ZBTB38: variants seen among roughly 807,000 people sequenced by gnomAD.
ZBTB38 encodes zinc finger and BTB domain containing 38.
Under a neutral mutation model 76.8 loss-of-function variants are expected in ZBTB38, and 20 were observed. The ratio of observed to expected loss-of-function variants is 0.26; its 90% confidence interval spans 0.18 to 0.38. The LOEUF (loss-of-function observed/expected upper bound fraction) is 0.38, where lower values mean the gene tolerates loss of function less well. ZBTB38 is among the 10% of genes least tolerant of loss of function. The pLI, the probability that ZBTB38 is intolerant of heterozygous loss-of-function variation, is 1.00. For synonymous variants in ZBTB38, 504 were observed against 544.2 expected (o/e 0.93, Z 1.03); for missense variants, 1,082 against 1,482.3 (o/e 0.73, Z 4.43).
At chr3:141,373,740 T>A (rs1944956743) in intron 2 of ZBTB38, among the ~76,000 whole-genome samples, 3 of 152,218 alleles carry the variant, frequency 2.0e-5, no homozygotes, top group Admixed American at 6.5e-5. Context: ...TCCAAAATAG[T>A]ATTGTTAGAA....
chr3:141,384,301 T>C (rs1394045167), intron 3 of ZBTB38, among the ~76,000 whole-genome samples: 2 of 152,346 alleles, frequency 1.3e-5, no homozygotes, highest in East Asian at 3.9e-4. Context: ...GTAAAGGGAA[T>C]AGAACACTAT....
chr3:141,429,110 T>A (rs1436918535), intron 5 of ZBTB38, among the ~76,000 whole-genome samples: 1 of 152,218 alleles, frequency 6.6e-6, no homozygotes, highest in Admixed American at 6.5e-5. Flanking sequence ...CTTACATTTT[T>A]GCAAGCAGAC....
At chr3:141,435,961 G>A (rs2078687428) in intron 5 of ZBTB38, among the ~76,000 whole-genome samples, 1 of 152,038 alleles carries the variant, frequency 6.6e-6, no homozygotes, top group African/African-American at 2.4e-5. Context: ...TTCCATCTCA[G>A]TGAATTTATT....
chr3:141,395,450 C>T (rs1355953920), intron 4 of ZBTB38, among the ~76,000 whole-genome samples: 1 of 152,118 alleles, frequency 6.6e-6, no homozygotes, highest in Non-Finnish European at 1.5e-5. Flanking sequence ...GGGCTTAGTG[C>T]AGGAGCCAGT....
chr3:141,377,784 C>T (rs1056445333), intron 2 of ZBTB38, among the ~76,000 whole-genome samples: 2 of 152,186 alleles, frequency 1.3e-5, no homozygotes, highest in South Asian at 2.1e-4. Context: ...AAGGCATGTG[C>T]TCTTTACATA....
intron 4 of ZBTB38, chr3:141,396,617 C>A: frequency 5.4e-6 from 1 of 183,900 alleles, no homozygotes; most frequent in Non-Finnish European, 1.1e-5. Flanking sequence ...TCCATCAGAG[C>A]AATCACTGTC....
At chr3:141,325,409 A>G (rs944235672) in intron 1 of ZBTB38, among the ~76,000 whole-genome samples, 2 of 152,180 alleles carry the variant, frequency 1.3e-5, no homozygotes, top group African/African-American at 4.8e-5. Context: ...AATGACATAC[A>G]CTGTTCATTG....
At chr3:141,425,314 C>T (rs568588028) in intron 5 of ZBTB38, among the ~76,000 whole-genome samples, 10 of 152,236 alleles carry the variant, frequency 6.6e-5, no homozygotes, top group African/African-American at 2.2e-4. Context: ...GGTAACTCTA[C>T]GTATACATTC....
intron 1 of ZBTB38, among the ~76,000 whole-genome samples, chr3:141,355,453 G>A (rs574520692): frequency 2.2e-4 from 33 of 152,192 alleles, no homozygotes; most frequent in Admixed American, 7.2e-4. Flanking sequence ...CGCTACTCCT[G>A]CTACTCCATG....
At chr3:141,426,390 G>A (rs889423707) in intron 5 of ZBTB38, among the ~76,000 whole-genome samples, 5 of 152,180 alleles carry the variant, frequency 3.3e-5, no homozygotes, top group African/African-American at 1.2e-4. Context: ...ACACACGACC[G>A]TGCCTTTTCC....
chr3:141,404,352 G>A (rs1953552626), intron 5 of ZBTB38, among the ~76,000 whole-genome samples: 2 of 152,156 alleles, frequency 1.3e-5, no homozygotes, highest in South Asian at 2.1e-4. Context: ...GCTGAGGCCC[G>A]GAGAGTTTAA....
intron 1 of ZBTB38, among the ~76,000 whole-genome samples, chr3:141,338,370 C>G (rs1305097420): frequency 3.3e-5 from 5 of 152,186 alleles, no homozygotes; most frequent in African/African-American, 1.2e-4. Flanking sequence ...GCACCATTCA[C>G]AATAGCAAAG....
At chr3:141,418,616 T>C (rs2074634385) in intron 5 of ZBTB38, among the ~76,000 whole-genome samples, 1 of 152,234 alleles carries the variant, frequency 6.6e-6, no homozygotes, top group Non-Finnish European at 1.5e-5. Flanking sequence ...GAAATCATTC[T>C]GTTTCTTAGA....
intron 5 of ZBTB38, among the ~76,000 whole-genome samples, chr3:141,421,787 CTG>C (rs1219700127): frequency 6.6e-6 from 1 of 152,236 alleles, no homozygotes; most frequent in African/African-American, 2.4e-5. Flanking sequence ...ATCATGCCCT[CTG>C]TGCTTTTTGT....
At chr3:141,434,024 C>G in intron 5 of ZBTB38, 1 of 203,176 alleles carries the variant, frequency 4.9e-6, no homozygotes, top group Non-Finnish European at 8.7e-6. Context: ...TGCTCACTCT[C>G]AACATCACCA....
intron 1 of ZBTB38, among the ~76,000 whole-genome samples, chr3:141,331,086 A>C (rs78638795): frequency 0.013 from 1,968 of 152,354 alleles, 38 homozygotes; most frequent in African/African-American, 0.045. Flanking sequence ...CTGTCAGCTC[A>C]AATATTATTA....
intron 5 of ZBTB38, among the ~76,000 whole-genome samples, chr3:141,417,699 T>C (rs2074386925): frequency 6.6e-6 from 1 of 152,142 alleles, no homozygotes; most frequent in Non-Finnish European, 1.5e-5. Context: ...TTGCCATTGC[T>C]CAAGTTGTAC....
intron 1 of ZBTB38, among the ~76,000 whole-genome samples, chr3:141,357,724 T>TG (rs1943707535): frequency 6.6e-6 from 1 of 152,148 alleles, no homozygotes; most frequent in Admixed American, 6.5e-5. Flanking sequence ...TGAGCTCAGG[T>TG]GATCTGCCCA....
At chr3:141,392,394 C>G (rs912918052) in intron 4 of ZBTB38, among the ~76,000 whole-genome samples, 1 of 152,184 alleles carries the variant, frequency 6.6e-6, no homozygotes, top group African/African-American at 2.4e-5. Context: ...ATGACATAGT[C>G]CCCCTATGAA....
Sources: allele counts gnomAD v4.1 joint callset (sites outside exome capture counted in the v4.1 genomes callset), GRCh38; gene constraint gnomAD v4.1.1; transcripts MANE v1.5; gene names NCBI Gene and HGNC (gene_info 2026-07-23, HGNC 2026-07-21).